Variants in MYO7B observed in about 807,000 individuals in gnomAD.
MYO7B encodes the protein unconventional myosin-VIIb.
In MYO7B, 212 loss-of-function variants were observed where a neutral mutation model predicts 259.7. That is an observed-to-expected ratio of 0.82 (90% CI 0.73 to 0.91). The LOEUF (loss-of-function observed/expected upper bound fraction) is 0.91, where lower values mean the gene tolerates loss of function less well. Ranked by LOEUF, MYO7B falls within the 40% of genes least tolerant of loss-of-function variation. The pLI, the probability that MYO7B is intolerant of heterozygous loss-of-function variation, is 0.00. For synonymous variants in MYO7B, 1,197 were observed against 1,166.4 expected (o/e 1.03, Z -0.54); for missense variants, 2,732 against 2,813.5 (o/e 0.97, Z 0.66).
chr2:127,633,271 A>T lies in MYO7B; in HGVS notation c.5419A>T (p.Lys1807Ter). The change falls in exon 40 of 48, where the codon AAG becomes TAG. Residue 1807 changes from lysine (K) to a stop codon, truncating the protein, a stop_gained. Coordinates refer to ENST00000409816, the MANE Select transcript of MYO7B (RefSeq NM_001393586.1). LOFTEE classifies it high-confidence loss of function. ...TGTCCCCCTCAGGACGGGGCCCCGG[A>T]AGCAGCCCCCGCACCAGGTGGAGGT... ...IQKVLRTGPR[K>*]QPPHQVEVEA... 6.2e-7 allele frequency: 1 copy of T among 1,611,302 alleles called. No individual in the cohort carries two copies. The highest frequency in any genetic ancestry group is 8.5e-7 in the Non-Finnish European group (1 of 1,179,300).
chr2:127,621,967 CT>C lies in MYO7B; in HGVS notation c.3526-14del. 6.4e-7 allele frequency: 1 copy of C among 1,551,724 alleles called. No homozygotes were observed. Among genetic ancestry groups the C allele is most frequent in the South Asian group, 1.2e-5 (1 of 84,018 alleles). On this transcript the variant is annotated splice_polypyrimidine_tract_variant and intron_variant, in intron 27 of 47. Transcript: ENST00000409816. ...TCTGAGTGTCTTCCTCCCTTCTCCC[CT>C]CCTCACCCACCAGTATCTACTGAAC...
At chr2:127,542,995 A>G (rs1013722159) in intron 1 of MYO7B, among the ~76,000 whole-genome samples, 12 of 152,254 alleles carry the variant, frequency 7.9e-5, no homozygotes, top group African/African-American at 2.7e-4. Flanking sequence ...CTCAGTAAAT[A>G]GAACATACAA....
rs367608882 is a variant in MYO7B, at chr2:127,629,644, G to C, written c.4625-1G>C. ...AGCAAATAGCCTCCCTGCCCTTACA[G>C]ATGACACCACCCTCCTGGCCTTCAA... On this transcript the variant is annotated splice_acceptor_variant, in intron 34 of 47. Coordinates refer to ENST00000409816, the MANE Select transcript of MYO7B (RefSeq NM_001393586.1). LOFTEE classifies it high-confidence loss of function. 6 of 1,611,500 alleles carry C rather than the reference G, an allele frequency of 3.7e-6. No homozygotes were observed. The African/African-American group carries it at 8.0e-5, about 22-fold the overall frequency.
chr2:127,582,376 G>T lies in MYO7B; in HGVS notation c.1273G>T (p.Asp425Tyr). The change falls in exon 12 of 48, where the codon GAC (aspartate) becomes TAC (tyrosine). Residue 425 changes from aspartate (D) to tyrosine (Y), a missense_variant. Around this residue, in one of 3 missense-constraint regions of MYO7B, gnomAD observed 1,906 missense variants for 2,026.4 expected, o/e 0.94. Transcript: ENST00000409816. Reference protein sequence around the residue: ...NAAIFTPPAQDPKNVRRAIGL... With the variant: ...NAAIFTPPAQYPKNVRRAIGL... ...CGCCATCTTCACACCACCAGCCCAG[G>T]ACCCCAAAAATGTGCGGAGGGCCAT... The T allele has an allele frequency of 6.2e-7, 1 of 1,613,498 alleles. No individual in the cohort carries two copies. Among genetic ancestry groups the T allele is most frequent in the Non-Finnish European group, 8.5e-7 (1 of 1,179,752 alleles).
In MYO7B at chr2:127,559,573, G is replaced by T. The variant is rs569557307; in HGVS notation, c.-23-127G>T. 30 of 815,120 alleles carry T rather than the reference G, an allele frequency of 3.7e-5. No individual in the cohort carries two copies. In the Admixed American group the frequency reaches 4.7e-4, roughly 13 times the overall value. The allele number at this position is 815,120 out of a possible 1,614,324, so 50.5% of individuals were successfully genotyped here. A position where few individuals can be genotyped will look rare whatever the true frequency, so the allele number is the denominator to read the frequency against. On this transcript the variant is annotated intron_variant, in intron 1 of 47. Transcript: ENST00000409816. This position sits in a 1 kb window ranked among gnomAD's most constrained non-coding sequence, Gnocchi z 4.1. ...CTCATTCATCCATTTATTCAGCATTGTTTTTGAGCCAGGTCCCATGCCGGG... is the reference window on the plus strand; with the variant it reads ...CTCATTCATCCATTTATTCAGCATTTTTTTTGAGCCAGGTCCCATGCCGGG...
chr2:127,547,042 A>G (rs1693259142), intron 1 of MYO7B, among the ~76,000 whole-genome samples: 1 of 151,552 alleles, frequency 6.6e-6, no homozygotes, highest in African/African-American at 2.4e-5. Flanking sequence ...CCATACATCC[A>G]CCTATTCATT....
chr2:127,620,546 TC>T, intron 27 of MYO7B, 80 bp downstream of exon 27: 1 of 1,381,080 alleles, frequency 7.2e-7, no homozygotes, highest in Non-Finnish European at 9.6e-7. Flanking sequence ...CTGGAGCAGG[TC>T]CACAGATTCC....
At chr2:127,617,476 C>G (rs1288840406) in intron 26 of MYO7B, among the ~76,000 whole-genome samples, 1 of 140,570 alleles carries the variant, frequency 7.1e-6, no homozygotes, top group East Asian at 2.0e-4. Flanking sequence ...TGCCAGCAGA[C>G]TTGTAACGGG....
chr2:127,612,448 G>C, intron 25 of MYO7B, 28 bp from the exon 26 acceptor site: 1 of 1,551,508 alleles, frequency 6.4e-7, no homozygotes, highest in South Asian at 1.2e-5. Flanking sequence ...AATCATAGCT[G>C]TCCTGATGGC....
In MYO7B at chr2:127,621,969, C is replaced by T. The variant is rs375559203; in HGVS notation, c.3526-13C>T. 2.6e-5 allele frequency: 41 copies of T among 1,551,614 alleles called. No individual in the cohort carries two copies. The East Asian group carries it at 9.3e-4, about 35-fold the overall frequency. ...TGAGTGTCTTCCTCCCTTCTCCCCT[C>T]CTCACCCACCAGTATCTACTGAACT... On this transcript the variant is annotated splice_polypyrimidine_tract_variant and intron_variant, in intron 27 of 47. Transcript: ENST00000409816.
rs1475506301 is a variant in MYO7B, at chr2:127,546,868, C to T, written c.-24+11037C>T. Among the ~76,000 whole-genome samples, 1 of 151,734 alleles carries T rather than the reference C, an allele frequency of 6.6e-6. No homozygotes were observed. The highest frequency in any genetic ancestry group is 1.5e-5 in the Non-Finnish European group (1 of 67,932). On this transcript the variant is annotated intron_variant, in intron 1 of 47. Transcript: ENST00000409816. The surrounding 1 kb of genome is among the most constrained non-coding windows in gnomAD (Gnocchi z 4.2). ...CCAATCTATCCACCCATTCACTTACCCAATCCAACCATTAATCCATCCACC... is the reference window on the plus strand; with the variant it reads ...CCAATCTATCCACCCATTCACTTACTCAATCCAACCATTAATCCATCCACC...
chr2:127,592,938 C>T lies in MYO7B; in HGVS notation c.2137C>T (p.Arg713Trp). 3 of 1,591,298 alleles carry T rather than the reference C, an allele frequency of 1.9e-6. No individual in the cohort carries two copies. The highest frequency in any genetic ancestry group is 1.7e-4 in the Middle Eastern group (1 of 6,038). The change falls in exon 17 of 48, where the codon CGG (arginine) becomes TGG (tryptophan). Residue 713 changes from arginine to tryptophan, a missense_variant. This residue lies in a region of MYO7B where 1,906 missense variants were observed against 2,026.4 expected (regional missense o/e 0.94). Coordinates refer to ENST00000409816, the MANE Select transcript of MYO7B (RefSeq NM_001393586.1). Reference protein sequence around the residue: ...RFGVLLPNAMRMQLQGKLRQM... With the variant: ...RFGVLLPNAMWMQLQGKLRQM... ...CGGCGTGTTGCTGCCCAACGCCATG[C>T]GGATGCAGGTCAGCGCCCCTCGGGG...
intron 1 of MYO7B, among the ~76,000 whole-genome samples, chr2:127,551,575 C>T (rs940408964): frequency 6.6e-6 from 1 of 152,218 alleles, no homozygotes; most frequent in Non-Finnish European, 1.5e-5. Flanking sequence ...GAATTAGTCT[C>T]TCTTTTGAAG....
chr2:127,632,573 G>A (rs1334954443), intron 39 of MYO7B, among the ~76,000 whole-genome samples, 172 bp downstream of exon 39: 8 of 152,202 alleles, frequency 5.3e-5, no homozygotes, highest in Non-Finnish European at 1.5e-5. Flanking sequence ...AGGGTGGAGG[G>A]TGAGGCCCAG....
intron 1 of MYO7B, among the ~76,000 whole-genome samples, chr2:127,550,870 G>GA (rs58532968): frequency 2.2e-4 from 1 of 4,638 alleles, no homozygotes; most frequent in East Asian, 0.5. Flanking sequence ...GAAGATGTGA[G>GA]GGAGGATAAT....
At position 127,632,249 on chromosome 2, in the gene MYO7B, C is replaced by T. The variant is rs1416087461; in HGVS notation, c.5253C>T (p.His1751=). ...LKQLTHNSNR[H]SEERGWQLLW... ...GCTGACAAGTGCTACCCTTCAGGCA[C>T]AGCGAAGAGCGGGGCTGGCAGCTGC... Residue 1751 remains histidine, a synonymous_variant, in exon 39 of 48, where the codon CAC becomes CAT. Coordinates refer to ENST00000409816, the MANE Select transcript of MYO7B (RefSeq NM_001393586.1). The T allele has an allele frequency of 6.2e-7, 1 of 1,611,626 alleles. No individual in the cohort carries two copies. The highest frequency in any genetic ancestry group is 1.1e-5 in the South Asian group (1 of 90,984).
chr2:127,592,744 G>A, intron 16 of MYO7B, 50 bp from the exon 17 acceptor site: 1 of 1,575,722 alleles, frequency 6.3e-7, no homozygotes, highest in South Asian at 1.2e-5. Context: ...GAAGGGGGGT[G>A]GCTGGAAAGT....
At position 127,584,453 on chromosome 2, in the gene MYO7B, A is replaced by G; in HGVS notation, c.1554+121A>G. 1.8e-6 allele frequency: 2 copies of G among 1,095,380 alleles called. No homozygotes were observed. Among genetic ancestry groups the G allele is most frequent in the Admixed American group, 2.3e-5 (1 of 42,638 alleles). The allele number at this position is 1,095,380 out of a possible 1,614,324, so 67.9% of individuals were successfully genotyped here. ...GAGAGTCACTAAAACCTCTGCCAGG[A>G]ATAAGCAGAAGAGCCTCAGTCTAAC... is the stretch of plus-strand genomic sequence containing the variant. On this transcript the variant is annotated intron_variant, in intron 13 of 47. Transcript: ENST00000409816. The surrounding 1 kb of genome is among the most constrained non-coding windows in gnomAD (Gnocchi z 5.8).
At position 127,637,309 on chromosome 2, in the gene MYO7B, T is replaced by A; in HGVS notation, c.6328-7T>A. ...CACAGCCTCTGACCCCCCCGTCCCC[T>A]GTCCAGGGCTATAAGATGGATGACC... On this transcript the variant is annotated splice_region_variant and splice_polypyrimidine_tract_variant and intron_variant, in intron 47 of 47. Transcript: ENST00000409816. The A allele has an allele frequency of 6.4e-7, 1 of 1,572,078 alleles. No individual in the cohort carries two copies. Among genetic ancestry groups the A allele is most frequent in the Admixed American group, 1.8e-5 (1 of 54,144 alleles).
Sources: allele counts gnomAD v4.1 joint callset (sites outside exome capture counted in the v4.1 genomes callset), GRCh38; gene constraint gnomAD v4.1.1; regional missense constraint gnomAD v4.1.1; non-coding constraint Gnocchi (gnomAD v3.1); transcripts MANE v1.5; gene names NCBI Gene and HGNC (gene_info 2026-07-23, HGNC 2026-07-21).